MUC7: variants seen among roughly 807,000 people sequenced by gnomAD.
The protein encoded by MUC7 is mucin-7.
MUC7 carries 2 observed loss-of-function variants against 2.5 expected under a neutral mutation model. The ratio of observed to expected loss-of-function variants is 0.81; its 90% confidence interval spans 0.33 to 2.55. MUC7 has a LOEUF of 2.55. Among genes scored for constraint, MUC7 ranks in the 30% most tolerant of loss-of-function variants. The probability of loss-of-function intolerance (pLI) is 0.11; values close to 1 mark genes in which losing one functional copy is unlikely to be tolerated. For synonymous variants in MUC7, 133 were observed against 173.4 expected (o/e 0.77, Z 1.83); for missense variants, 408 against 455.6 (o/e 0.90, Z 0.95).
intron 1 of MUC7, among the ~76,000 whole-genome samples, chr4:70,466,586 CA>C (rs75195757): frequency 2.2e-4 from 31 of 143,226 alleles, no homozygotes; most frequent in Admixed American, 3.5e-4. Context: ...GAATGGAAAG[CA>C]AAAAAAAAAG....
chr4:70,474,507 C>T (rs987973189), intron 2 of MUC7, among the ~76,000 whole-genome samples: 5 of 151,784 alleles, frequency 3.3e-5, no homozygotes, highest in Non-Finnish European at 7.4e-5. Context: ...AAAATGAGAC[C>T]CTGTCTTAAA....
chr4:70,457,907 T>C (rs1734451006), intron 1 of MUC7, among the ~76,000 whole-genome samples: 1 of 152,116 alleles, frequency 6.6e-6, no homozygotes, highest in Non-Finnish European at 1.5e-5. Context: ...TTTATCAACT[T>C]TTCCAAGTTA....
upstream of MUC7, among the ~76,000 whole-genome samples, chr4:70,469,410 A>T (rs1015446273): frequency 6.6e-6 from 1 of 152,232 alleles, no homozygotes; most frequent in Non-Finnish European, 1.5e-5. Context: ...GACAAATGGG[A>T]TCTAATTAAA....
At chr4:70,470,215 C>T (rs764881480), upstream of MUC7, among the ~76,000 whole-genome samples, 12 of 152,122 alleles carry the variant, frequency 7.9e-5, no homozygotes, top group East Asian at 1.7e-3. Context: ...AATGAGAACA[C>T]GTGGACACAG....
In MUC7 at chr4:70,472,821, G is replaced by A. The variant is rs533420955; in HGVS notation, c.-16+530G>A. Among the ~76,000 whole-genome samples the A allele has an allele frequency of 3.9e-5, 6 of 152,280 alleles. No individual in the cohort carries two copies. The South Asian group carries it at 1.2e-3, about 32-fold the overall frequency. Reference sequence around the variant, plus strand: ...ATAAACCATGGGATTGTATTGTAAAGTGTGTCTAATCTCACAGCCCACCAC... The same window carrying A: ...ATAAACCATGGGATTGTATTGTAAAATGTGTCTAATCTCACAGCCCACCAC... On this transcript the variant is annotated intron_variant, in intron 1 of 2. Coordinates refer to ENST00000304887, the MANE Select transcript of MUC7 (RefSeq NM_152291.3).
chr4:70,442,767 T>G (rs903588151), intron 1 of MUC7, among the ~76,000 whole-genome samples: 2 of 152,230 alleles, frequency 1.3e-5, no homozygotes, highest in African/African-American at 4.8e-5. Flanking sequence ...GTGCTTAATG[T>G]TTTCATTTTT....
rs7660052 is a variant in MUC7 at position 70,454,078 on chromosome 4, T to C, written c.-92-18137T>C. 8.5e-3 allele frequency among the ~76,000 whole-genome samples: 1,296 copies of C among 152,106 alleles called. 18 individuals carry two copies. The highest frequency in any genetic ancestry group is 0.028 in the African/African-American group (1,169 of 41,492). On this transcript the variant is annotated intron_variant, in intron 1 of 3. Transcript: ENST00000413702. ...TCTTCTCAAGCAGAATAAAGGACTC[T>C]CTCATTGCTTCAAGCTGTGCTGCCT...
chr4:70,453,064 T>A (rs1248472351), intron 1 of MUC7, among the ~76,000 whole-genome samples: 2 of 152,218 alleles, frequency 1.3e-5, no homozygotes, highest in Non-Finnish European at 2.9e-5. Context: ...GCCATATGTA[T>A]TAGAGCTCCA....
chr4:70,464,999 T>G (rs1261156906), intron 1 of MUC7, among the ~76,000 whole-genome samples: 1 of 151,784 alleles, frequency 6.6e-6, no homozygotes, highest in East Asian at 1.9e-4. Context: ...TTTAGGAGAG[T>G]TCCGGTTGGC....
intron 2 of MUC7, among the ~76,000 whole-genome samples, chr4:70,480,111 A>C (rs41359845): frequency 0.013 from 1,947 of 152,348 alleles, 43 homozygotes; most frequent in African/African-American, 0.045. Flanking sequence ...TTGGTGCTCT[A>C]TCCAGACAAA....
At chr4:70,452,195 T>C (rs1734296094) in intron 1 of MUC7, among the ~76,000 whole-genome samples, 1 of 152,218 alleles carries the variant, frequency 6.6e-6, no homozygotes. Context: ...GGTCATGTTT[T>C]CTCATCCACT....
At chr4:70,434,641 G>T (rs1191929018) in intron 1 of MUC7, among the ~76,000 whole-genome samples, 1 of 151,742 alleles carries the variant, frequency 6.6e-6, no homozygotes, top group Non-Finnish European at 1.5e-5. Context: ...AGTCTATTTT[G>T]CTGATCTTTT....
intron 1 of MUC7, among the ~76,000 whole-genome samples, chr4:70,443,472 G>A (rs1734053200): frequency 6.6e-6 from 1 of 152,096 alleles, no homozygotes; most frequent in Admixed American, 6.6e-5. Context: ...ATACTACCAA[G>A]GAAATCTAAA....
chr4:70,470,216 G>A (rs1382955354), upstream of MUC7, among the ~76,000 whole-genome samples: 2 of 152,212 alleles, frequency 1.3e-5, no homozygotes, highest in African/African-American at 2.4e-5. Context: ...ATGAGAACAC[G>A]TGGACACAGG....
intron 1 of MUC7, among the ~76,000 whole-genome samples, chr4:70,432,518 T>C (rs2109784044): frequency 6.6e-6 from 1 of 152,378 alleles, no homozygotes; most frequent in Admixed American, 6.5e-5. Context: ...CATTTTTTCA[T>C]GTGTCTGTTG....
chr4:70,458,715 CAG>C (rs1312111987), intron 1 of MUC7, among the ~76,000 whole-genome samples: 2 of 151,806 alleles, frequency 1.3e-5, no homozygotes, highest in African/African-American at 4.8e-5. Context: ...TAACAGTAAA[CAG>C]AAAATGCAAA....
At position 70,453,832 on chromosome 4, in the gene MUC7, G is replaced by T. The variant is rs893416627; in HGVS notation, c.-92-18383G>T. Among the ~76,000 whole-genome samples the T allele has an allele frequency of 7.2e-5, 11 of 152,102 alleles. No individual in the cohort carries two copies. The South Asian group carries it at 2.3e-3, about 32-fold the overall frequency. On this transcript the variant is annotated intron_variant, in intron 1 of 3. Transcript: ENST00000413702. Reference sequence around the variant, plus strand: ...TTGGTATTGCTGCTGGTTATTCAGGGCCCTAGGGCTCTTTAGTTAGCAGGT... The same window carrying T: ...TTGGTATTGCTGCTGGTTATTCAGGTCCCTAGGGCTCTTTAGTTAGCAGGT...
intron 1 of MUC7, among the ~76,000 whole-genome samples, chr4:70,449,866 G>T (rs916757868): frequency 6.6e-6 from 1 of 152,184 alleles, no homozygotes; most frequent in Non-Finnish European, 1.5e-5. Context: ...CACCTCTGTG[G>T]CTACCACCAC....
chr4:70,445,929 C>A (rs2172006), intron 1 of MUC7, among the ~76,000 whole-genome samples: 121,747 of 152,116 alleles, frequency 0.8, 49,298 homozygotes, highest in Middle Eastern at 0.88. Flanking sequence ...TCACCCCAGA[C>A]ATGACCTTCT....
Sources: allele counts gnomAD v4.1 joint callset (sites outside exome capture counted in the v4.1 genomes callset), GRCh38; gene constraint gnomAD v4.1.1; transcripts MANE v1.5; gene names NCBI Gene and HGNC (gene_info 2026-07-23, HGNC 2026-07-21).